Variants in RNF217 observed in about 807,000 individuals in gnomAD.
The protein encoded by RNF217 is E3 ubiquitin-protein ligase RNF217.
RNF217 carries 31 observed loss-of-function variants against 57.8 expected under a neutral mutation model. That is an observed-to-expected ratio of 0.54 (90% CI 0.40 to 0.72). The LOEUF is 0.72. Among genes scored for constraint, RNF217 ranks in the 30% least tolerant of loss-of-function variants. The pLI is 0.00. For synonymous variants in RNF217, 313 were observed against 294.0 expected (o/e 1.06, Z -0.66); for missense variants, 696 against 708.3 (o/e 0.98, Z 0.20).
intron 1 of RNF217, among the ~76,000 whole-genome samples, chr6:124,985,617 A>G (rs1398680247): frequency 6.6e-6 from 1 of 152,164 alleles, no homozygotes; most frequent in Admixed American, 6.5e-5. Context: ...GGAAAAGAAG[A>G]TCAAGTTTCA....
chr6:125,050,645 G>C (rs575696059), intron 2 of RNF217, among the ~76,000 whole-genome samples: 1 of 152,006 alleles, frequency 6.6e-6, no homozygotes, highest in Admixed American at 6.6e-5. Flanking sequence ...CTTGAGAACT[G>C]TTTCCCATAT....
At chr6:125,060,722 G>A (rs1482770662) in intron 3 of RNF217, among the ~76,000 whole-genome samples, 1 of 152,080 alleles carries the variant, frequency 6.6e-6, no homozygotes, top group African/African-American at 2.4e-5. Context: ...TGGAATTACA[G>A]GTATGAGCCA....
chr6:124,968,512 C>G (rs776544504), intron 1 of RNF217, among the ~76,000 whole-genome samples: 17 of 152,026 alleles, frequency 1.1e-4, no homozygotes, highest in Non-Finnish European at 1.8e-4. Context: ...TTTGATTTCT[C>G]TAGAGGAATC....
chr6:124,984,070 T>C (rs1309397246), intron 1 of RNF217, among the ~76,000 whole-genome samples: 1 of 152,190 alleles, frequency 6.6e-6, no homozygotes, highest in African/African-American at 2.4e-5. Context: ...CACTTCTTAA[T>C]ACCATTCACC....
At chr6:124,989,431 A>G (rs928680265) in intron 1 of RNF217, among the ~76,000 whole-genome samples, 7 of 152,188 alleles carry the variant, frequency 4.6e-5, no homozygotes, top group African/African-American at 1.7e-4. Context: ...ATGGTAAGGT[A>G]ATATGCATGG....
chr6:124,976,989 GT>G (rs1035531631), intron 1 of RNF217, among the ~76,000 whole-genome samples: 1 of 152,074 alleles, frequency 6.6e-6, no homozygotes, highest in African/African-American at 2.4e-5. Flanking sequence ...TACTTTGCTC[GT>G]TTTTTTGTTT....
At chr6:125,038,496 G>T (rs1004851791) in intron 1 of RNF217, among the ~76,000 whole-genome samples, 1 of 152,052 alleles carries the variant, frequency 6.6e-6, no homozygotes, top group East Asian at 1.9e-4. Context: ...ATTATTCAGG[G>T]TATAGAAGAA....
At chr6:124,975,886 T>C (rs930718155) in intron 1 of RNF217, among the ~76,000 whole-genome samples, 15 of 152,224 alleles carry the variant, frequency 9.9e-5, no homozygotes, top group African/African-American at 3.4e-4. Flanking sequence ...TTCAGTGTTT[T>C]AATTTTCCTG....
At chr6:124,999,965 T>C (rs1219526980) in intron 1 of RNF217, among the ~76,000 whole-genome samples, 1 of 152,216 alleles carries the variant, frequency 6.6e-6, no homozygotes, top group Non-Finnish European at 1.5e-5. Flanking sequence ...ATTGTTGTTT[T>C]TGCTGCTGTT....
chr6:125,057,263 G>A (rs982122903), intron 2 of RNF217, among the ~76,000 whole-genome samples: 4 of 152,056 alleles, frequency 2.6e-5, no homozygotes, highest in African/African-American at 7.2e-5. Flanking sequence ...TGCAACCTCC[G>A]CCTCCTGGGT....
chr6:124,982,989 A>G (rs186041587), intron 1 of RNF217, among the ~76,000 whole-genome samples: 1 of 152,326 alleles, frequency 6.6e-6, no homozygotes, highest in Admixed American at 6.5e-5. Flanking sequence ...AAGAAAAGGG[A>G]AGAAGCACAT....
chr6:124,978,037 T>C (rs1315606475), intron 1 of RNF217, among the ~76,000 whole-genome samples: 2 of 152,130 alleles, frequency 1.3e-5, no homozygotes, highest in African/African-American at 4.8e-5. Flanking sequence ...ATTAAAAAAA[T>C]ACTGAGCACA....
In RNF217 at chr6:124,964,007, T is replaced by TAA. The variant is rs759854041; in HGVS notation, c.882+582_882+583dup. Reference sequence around the variant, plus strand: ...ACTGAGGTTTTAAGCCAGCACTCTTTAAGAGGGAAGCAAAACAGAAAGAGC... The same window carrying TAA: ...ACTGAGGTTTTAAGCCAGCACTCTTTAAAAGAGGGAAGCAAAACAGAAAGAGC... On this transcript the variant is annotated intron_variant, in intron 1 of 5. Coordinates refer to ENST00000521654, the MANE Select transcript of RNF217 (RefSeq NM_001286398.3). 3.0e-4 allele frequency among the ~76,000 whole-genome samples: 45 copies of TAA among 152,322 alleles called. 1 individual carries two copies. Among genetic ancestry groups the TAA allele is most frequent in the African/African-American group, 9.6e-4 (40 of 41,558 alleles).
At chr6:125,000,703 G>A (rs1384330400) in intron 1 of RNF217, among the ~76,000 whole-genome samples, 4 of 152,014 alleles carry the variant, frequency 2.6e-5, no homozygotes, top group Non-Finnish European at 4.4e-5. Context: ...AAATACATGA[G>A]TATCTACATG....
intron 3 of RNF217, among the ~76,000 whole-genome samples, chr6:125,071,801 A>C (rs1449009876): frequency 6.6e-6 from 1 of 152,180 alleles, no homozygotes; most frequent in Non-Finnish European, 1.5e-5. Context: ...AACAATTCAA[A>C]TGTCATTCAT....
intron 1 of RNF217, among the ~76,000 whole-genome samples, chr6:124,990,984 A>G (rs1784540589): frequency 6.6e-6 from 1 of 152,178 alleles, no homozygotes; most frequent in South Asian, 2.1e-4. Context: ...GGAAGATCAC[A>G]TGACCCCAGG....
chr6:124,997,610 A>T (rs929537001), intron 1 of RNF217, among the ~76,000 whole-genome samples: 1 of 152,032 alleles, frequency 6.6e-6, no homozygotes, highest in African/African-American at 2.4e-5. Context: ...TAAATCTCTC[A>T]CTCCTGCAAA....
At position 125,063,111 on chromosome 6, in the gene RNF217, A is replaced by G. The variant is rs184072970; in HGVS notation, c.1281+5005A>G. Among the ~76,000 whole-genome samples the G allele has an allele frequency of 8.9e-3, 1,355 of 152,304 alleles. 13 individuals carry two copies. Among genetic ancestry groups the G allele is most frequent in the Middle Eastern group, 0.02 (6 of 294 alleles). On this transcript the variant is annotated intron_variant, in intron 3 of 5. Transcript: ENST00000521654. The stretch of plus-strand genomic sequence containing the variant: ...AAATTTAAAGCAAGTAGGCAATCTA[A>G]ATTTTGTTGGAGGTATCAGAATATT...
At chr6:125,068,503 A>G (rs1788019599) in intron 3 of RNF217, among the ~76,000 whole-genome samples, 1 of 152,136 alleles carries the variant, frequency 6.6e-6, no homozygotes, top group Non-Finnish European at 1.5e-5. Context: ...TAGCTTATGA[A>G]TATATATTTG....
Sources: gnomAD v4.1 joint callset for allele counts (sites outside exome capture counted in the v4.1 genomes callset) on GRCh38, gnomAD v4.1.1 for gene constraint, MANE v1.5 for transcripts, NCBI Gene and HGNC (gene_info 2026-07-23, HGNC 2026-07-21) for gene names.